The following EEF2K variants were observed in gnomAD, a reference collection of about 807,000 sequenced individuals.
EEF2K encodes alternative protein EEF2K.
Under a neutral mutation model 93.8 loss-of-function variants are expected in EEF2K, and 70 were observed. That is an observed-to-expected ratio of 0.75 (90% CI 0.62 to 0.91). EEF2K has a LOEUF of 0.91. Among genes scored for constraint, EEF2K ranks in the 40% least tolerant of loss-of-function variants. EEF2K has a pLI of 0.00. For synonymous variants in EEF2K, 376 were observed against 380.8 expected, an observed-to-expected ratio of 0.99 and a Z score of 0.15; for missense variants, 935 against 972.9, an observed-to-expected ratio of 0.96 and a Z score of 0.52.
chr16:22,266,281 A>T (rs1209739843), intron 13 of EEF2K, 109 bp from the exon 14 acceptor site: 2 of 1,457,878 alleles, frequency 1.4e-6, no homozygotes, highest in East Asian at 4.7e-5. Flanking sequence ...GTGAGGGTTC[A>T]CTCCCCATCT....
intron 2 of EEF2K, among the ~76,000 whole-genome samples, chr16:22,226,244 TTTTG>T (rs1391851787): frequency 2.0e-5 from 3 of 151,960 alleles, no homozygotes; most frequent in Non-Finnish European, 2.9e-5. Context: ...CAATGTTTTG[TTTTG>T]TTTGTTTATT....
chr16:22,261,800 T>G (rs537321126), intron 11 of EEF2K, among the ~76,000 whole-genome samples: 1 of 150,116 alleles, frequency 6.7e-6, no homozygotes, highest in South Asian at 2.1e-4. Flanking sequence ...AGGCCAGGAG[T>G]TTAAGACCAG....
chr16:22,244,835 TA>T (rs1381985217), intron 3 of EEF2K, 105 bp downstream of exon 3: 2 of 1,148,202 alleles, frequency 1.7e-6, no homozygotes, highest in East Asian at 5.1e-5. Flanking sequence ...GGGAAGGGAG[TA>T]ATCATAACAG....
At chr16:22,234,877 C>CTTTTTTTTTTTTTTTTTTTTT (rs1173052779) in intron 2 of EEF2K, among the ~76,000 whole-genome samples, 2 of 90,626 alleles carry the variant, frequency 2.2e-5, no homozygotes, top group Non-Finnish European at 4.2e-5. Context: ...TTTTTTGTTG[C>CTTTTTTTTTTTTTTTTTTTTT]TTTTTTTTTT....
chr16:22,276,387 A>C (rs565775715), intron 16 of EEF2K, among the ~76,000 whole-genome samples: 1 of 152,154 alleles, frequency 6.6e-6, no homozygotes, highest in Non-Finnish European at 1.5e-5. Flanking sequence ...AAATCTATCA[A>C]AAGTATTTCT....
At chr16:22,236,572 A>C (rs941253412) in intron 2 of EEF2K, among the ~76,000 whole-genome samples, 1 of 152,084 alleles carries the variant, frequency 6.6e-6, no homozygotes, top group African/African-American at 2.4e-5. Context: ...GTAACAGGTG[A>C]TAAAGGCTTG....
At chr16:22,238,019 G>C (rs1219531133) in intron 2 of EEF2K, among the ~76,000 whole-genome samples, 1 of 152,086 alleles carries the variant, frequency 6.6e-6, no homozygotes, top group Non-Finnish European at 1.5e-5. Flanking sequence ...GCTGGGTGCG[G>C]TGGCTCACGC....
intron 2 of EEF2K, among the ~76,000 whole-genome samples, chr16:22,230,456 C>T (rs941093610): frequency 2.0e-5 from 3 of 151,996 alleles, no homozygotes; most frequent in Non-Finnish European, 4.4e-5. Context: ...TCAAGTGATC[C>T]GCCCGCCTCA....
Position 22,258,619 on chromosome 16 carries a change from G to A in EEF2K, c.1155G>A (p.Met385Ile), listed in dbSNP as rs767583545. ...CAGAGAACTCTGGAGACGAGAACATGAGCGACGTGACCTTCGACTCTCTCC... is the reference window on the plus strand; with the variant it reads ...CAGAGAACTCTGGAGACGAGAACATAAGCGACGTGACCTTCGACTCTCTCC... ...PLSENSGDEN[M>I]SDVTFDSLPS... is the part of the protein sequence containing the mutation. Residue 385 changes from methionine (M) to isoleucine (I), a missense_variant, in exon 10 of 18, where the codon ATG becomes ATA. Transcript: ENST00000263026. 1.8e-5 allele frequency: 29 copies of A among 1,613,992 alleles called. No homozygotes were observed. Among genetic ancestry groups the A allele is most frequent in the African/African-American group, 2.7e-5 (2 of 74,904 alleles).
chr16:22,268,041 C>T (rs771494591), intron 15 of EEF2K, among the ~76,000 whole-genome samples: 116 of 152,086 alleles, frequency 7.6e-4, no homozygotes, highest in African/African-American at 1.2e-3. Context: ...CTCTCCTTGA[C>T]GGGTTGGTTT....
intron 2 of EEF2K, among the ~76,000 whole-genome samples, chr16:22,241,674 T>A: frequency 6.9e-6 from 1 of 145,206 alleles, no homozygotes. Context: ...ATATAGAAGA[T>A]CTGGAAAAGA....
chr16:22,240,100 T>TC, intron 2 of EEF2K, among the ~76,000 whole-genome samples: 1 of 89,844 alleles, frequency 1.1e-5, no homozygotes, highest in South Asian at 3.9e-4. Context: ...AGACTCCATC[T>TC]CAAAAAAAAA....
At position 22,286,778 on chromosome 16, in the gene EEF2K, A is replaced by G. The variant is rs1467234138; in HGVS notation, c.*2782A>G. ...CACAGTGCTTTGGCATAGAGTAGGC[A>G]CTCAACAAGTGTGTGAACAGATGGA... On this transcript the variant is annotated 3_prime_UTR_variant, in exon 18 of 18. Coordinates refer to ENST00000263026, the MANE Select transcript of EEF2K (RefSeq NM_013302.5). The G allele has an allele frequency of 6.6e-6, 1 of 152,140 alleles. No individual in the cohort carries two copies. Among genetic ancestry groups the G allele is most frequent in the Non-Finnish European group, 1.5e-5 (1 of 68,042 alleles). The allele number at this position is 152,140 out of a possible 1,614,324, so 9.4% of individuals were successfully genotyped here.
In EEF2K at chr16:22,251,251, G is replaced by A. The variant is rs770594193; in HGVS notation, c.547G>A (p.Glu183Lys). 1.2e-6 allele frequency: 2 copies of A among 1,614,140 alleles called. No homozygotes were observed. The highest frequency in any genetic ancestry group is 3.3e-5 in the Admixed American group (2 of 60,018). Residue 183 changes from glutamate to lysine, a missense_variant, in exon 6 of 18, where the codon GAG (glutamate) becomes AAG (lysine). Coordinates refer to ENST00000263026, the MANE Select transcript of EEF2K (RefSeq NM_013302.5). Reference protein sequence around the residue: ...IEPVDRDVYFEDVRLQMEAKL... With the variant: ...IEPVDRDVYFKDVRLQMEAKL... ...GCCCGTAGACCGGGATGTGTACTTT[G>A]AGGACGTGCGTCTACAGATGGAGGC...
chr16:22,284,909 G>A lies in EEF2K; in HGVS notation c.*913G>A, dbSNP rs1356573461. ...CAGGCTCCCTTCTACTGTGGGGAAGGGCCTGCATGTTGGCTGTTTTTTAAA... is the reference window on the plus strand; with the variant it reads ...CAGGCTCCCTTCTACTGTGGGGAAGAGCCTGCATGTTGGCTGTTTTTTAAA... On this transcript the variant is annotated 3_prime_UTR_variant, in exon 18 of 18. Transcript: ENST00000263026. 2 of 152,486 alleles carry A rather than the reference G, an allele frequency of 1.3e-5. No individual in the cohort carries two copies. The highest frequency in any genetic ancestry group is 2.9e-5 in the Non-Finnish European group (2 of 68,026). The allele number at this position is 152,486 out of a possible 1,614,324, so 9.4% of individuals were successfully genotyped here. A position where few individuals can be genotyped will look rare whatever the true frequency, so the allele number is the denominator to read the frequency against.
intron 2 of EEF2K, among the ~76,000 whole-genome samples, chr16:22,238,684 A>AG (rs968568753): frequency 4.0e-5 from 6 of 151,760 alleles, no homozygotes; most frequent in Non-Finnish European, 8.8e-5. Flanking sequence ...AAAAAAAAAA[A>AG]AAGCACTGAT....
chr16:22,217,688 G>A (rs1281032388), intron 1 of EEF2K, among the ~76,000 whole-genome samples: 1 of 152,128 alleles, frequency 6.6e-6, no homozygotes, highest in Admixed American at 6.6e-5. Flanking sequence ...CCCGACCTCA[G>A]GTGATCCACC....
chr16:22,242,424 G>T lies in EEF2K; in HGVS notation c.247-2206G>T, dbSNP rs1308501930. On this transcript the variant is annotated intron_variant, in intron 2 of 17. Coordinates refer to ENST00000263026, the MANE Select transcript of EEF2K (RefSeq NM_013302.5). ...GCAACCTCCACCTCCTGGTTCAAGCGATTTTCCTGCCTCAGCCTCCCGAGT... is the reference window on the plus strand; with the variant it reads ...GCAACCTCCACCTCCTGGTTCAAGCTATTTTCCTGCCTCAGCCTCCCGAGT... 2.0e-5 allele frequency among the ~76,000 whole-genome samples: 3 copies of T among 151,254 alleles called. No individual in the cohort carries two copies. The South Asian group carries it at 6.4e-4, about 32-fold the overall frequency.
rs745720178 is a variant in EEF2K at position 22,280,253 on chromosome 16, G to A, written c.1945G>A (p.Asp649Asn). 6.2e-7 allele frequency: 1 copy of A among 1,603,480 alleles called. No individual in the cohort carries two copies. The highest frequency in any genetic ancestry group is 1.1e-5 in the South Asian group (1 of 89,264). Residue 649 changes from aspartate to asparagine, a missense_variant, in exon 17 of 18, where the codon GAC becomes AAC. Coordinates refer to ENST00000263026, the MANE Select transcript of EEF2K (RefSeq NM_013302.5). Reference sequence around the variant, plus strand: ...GTACAACACTGCCCTGGAGATGACGGACTGTGATGAGGGCGGTGAGTACGA... The same window carrying A: ...GTACAACACTGCCCTGGAGATGACGAACTGTGATGAGGGCGGTGAGTACGA... ...HWYNTALEMT[D>N]CDEGGEYDGM...
Sources: allele counts gnomAD v4.1 joint callset (sites outside exome capture counted in the v4.1 genomes callset), GRCh38; gene constraint gnomAD v4.1.1; transcripts MANE v1.5; gene names NCBI Gene and HGNC (gene_info 2026-07-23, HGNC 2026-07-21).